Variants in SLC71A2 observed in about 807,000 individuals in gnomAD.
The protein encoded by SLC71A2 is solute carrier family 71 member 2, also known as hippocampus abundant transcript-like 1.
the SLC71A2 span, among the ~76,000 whole-genome samples, chr9:94,400,125 C>T: frequency 6.6e-6 from 1 of 151,920 alleles, no homozygotes; most frequent in Admixed American, 6.6e-5. Context: ...AAAATTTTGC[C>T]TTTTTATTTA....
the SLC71A2 span, chr9:94,459,090 A>T: frequency 1.1e-5 from 17 of 1,489,450 alleles, no homozygotes; most frequent in Non-Finnish European, 1.6e-5. Context: ...TTTTTTGGGT[A>T]ATCTAGGAAT....
At chr9:94,460,434 T>C in the SLC71A2 span, 1 of 152,670 alleles carries the variant, frequency 6.6e-6, no homozygotes, top group African/African-American at 2.4e-5. Context: ...TCAATCTGTT[T>C]AACTTTTGAA....
At chr9:94,438,555 G>C in the SLC71A2 span, 2 of 1,603,014 alleles carry the variant, frequency 1.2e-6, no homozygotes, top group East Asian at 4.5e-5. Flanking sequence ...TTCACCTCCT[G>C]ACTGCTTGTT....
At chr9:94,424,235 T>C in the SLC71A2 span, among the ~76,000 whole-genome samples, 1 of 149,428 alleles carries the variant, frequency 6.7e-6, no homozygotes, top group Non-Finnish European at 1.5e-5. Context: ...AATATGTTTT[T>C]TTTTGGCGGA....
chr9:94,395,076 G>A, the SLC71A2 span, among the ~76,000 whole-genome samples: 1 of 133,128 alleles, frequency 7.5e-6, no homozygotes, highest in African/African-American at 2.8e-5. Context: ...ACCACACCTG[G>A]CTAATTTTTA....
chr9:94,444,841 G>A, the SLC71A2 span: 9 of 784,102 alleles, frequency 1.1e-5, no homozygotes, highest in African/African-American at 1.5e-4. Context: ...TGCACCTGTG[G>A]GACCCTGGTT....
the SLC71A2 span, among the ~76,000 whole-genome samples, chr9:94,391,620 G>A: frequency 6.6e-6 from 1 of 151,286 alleles, no homozygotes; most frequent in Non-Finnish European, 1.5e-5. Flanking sequence ...AGGTGTGGGG[G>A]CTCAGGCCTG....
chr9:94,406,177 C>G, the SLC71A2 span, among the ~76,000 whole-genome samples: 1 of 141,948 alleles, frequency 7.0e-6, no homozygotes, highest in Non-Finnish European at 1.5e-5. Context: ...AAGTGATCCT[C>G]CCACCTCAGC....
the SLC71A2 span, among the ~76,000 whole-genome samples, chr9:94,402,104 T>C: frequency 1.6e-4 from 24 of 152,190 alleles, no homozygotes; most frequent in Non-Finnish European, 3.1e-4. Context: ...TGTAACCTGC[T>C]TTATCAGCAA....
At chr9:94,421,917 C>G in the SLC71A2 span, among the ~76,000 whole-genome samples, 3 of 152,052 alleles carry the variant, frequency 2.0e-5, no homozygotes, top group African/African-American at 7.2e-5. Context: ...TTCTCTTTTT[C>G]TTTTCTTTTC....
chr9:94,460,750 A>G, the SLC71A2 span: 6 of 152,636 alleles, frequency 3.9e-5, no homozygotes, highest in African/African-American at 1.4e-4. Flanking sequence ...ATTGACAGAA[A>G]AAAATATATA....
At chr9:94,457,960 G>A in the SLC71A2 span, among the ~76,000 whole-genome samples, 1 of 152,276 alleles carries the variant, frequency 6.6e-6, no homozygotes, top group South Asian at 2.1e-4. Context: ...GGACTGGTCT[G>A]TATTCCTGAC....
the SLC71A2 span, among the ~76,000 whole-genome samples, chr9:94,388,276 T>C: frequency 1.3e-5 from 2 of 152,352 alleles, no homozygotes; most frequent in Non-Finnish European, 2.9e-5. Flanking sequence ...TGAATACTGC[T>C]TTGGAGTAAT....
chr9:94,405,420 G>A, the SLC71A2 span, among the ~76,000 whole-genome samples: 10 of 151,840 alleles, frequency 6.6e-5, no homozygotes, highest in Non-Finnish European at 1.3e-4. Flanking sequence ...GCATGAACCC[G>A]GGAGGTGGAC....
chr9:94,421,419 G>A, the SLC71A2 span, among the ~76,000 whole-genome samples: 3 of 152,022 alleles, frequency 2.0e-5, no homozygotes, highest in Admixed American at 1.3e-4. Context: ...GTGTTTGTGT[G>A]TTTAATATTA....
At chr9:94,418,611 T>C in the SLC71A2 span, among the ~76,000 whole-genome samples, 1 of 152,002 alleles carries the variant, frequency 6.6e-6, no homozygotes, top group African/African-American at 2.4e-5. Flanking sequence ...AATTTTTGTA[T>C]TTTTAGTAGA....
At chr9:94,403,591 C>G in the SLC71A2 span, among the ~76,000 whole-genome samples, 1 of 150,948 alleles carries the variant, frequency 6.6e-6, no homozygotes, top group South Asian at 2.1e-4. Flanking sequence ...ACTTGGGTTG[C>G]TTCTACGGTT....
At chr9:94,418,699 C>CA in the SLC71A2 span, among the ~76,000 whole-genome samples, 1 of 151,952 alleles carries the variant, frequency 6.6e-6, no homozygotes, top group African/African-American at 2.4e-5. Flanking sequence ...GCTGGCCTCC[C>CA]AAAGTGCTGA....
the SLC71A2 span, among the ~76,000 whole-genome samples, chr9:94,403,746 A>G: frequency 6.6e-6 from 1 of 152,012 alleles, no homozygotes; most frequent in African/African-American, 2.4e-5. Flanking sequence ...TACCTGCCAA[A>G]CCATTTTCCA....
Sources: allele counts gnomAD v4.1 joint callset (sites outside exome capture counted in the v4.1 genomes callset), GRCh38; gene constraint gnomAD v4.1.1; transcripts MANE v1.5; gene names NCBI Gene and HGNC (gene_info 2026-07-23, HGNC 2026-07-21).